Variants in TTYH3 observed in about 807,000 individuals in gnomAD.
The protein encoded by TTYH3 is protein tweety homolog 3.
TTYH3 carries 23 observed loss-of-function variants against 68.2 expected under a neutral mutation model. The observed-to-expected ratio is 0.34, with a 90% CI of 0.24 to 0.48. TTYH3 has a LOEUF of 0.48. Ranked by LOEUF, TTYH3 falls within the 20% of genes least tolerant of loss-of-function variation. The pLI is 0.99. For synonymous variants in TTYH3, 360 were observed against 332.8 expected (o/e 1.08, Z -0.89); for missense variants, 768 against 727.7 (o/e 1.06, Z -0.64).
At chr7:2,649,027 CGTG>C (rs1278892252) in intron 5 of TTYH3, among the ~76,000 whole-genome samples, 1 of 136,200 alleles carries the variant, frequency 7.3e-6, no homozygotes, top group African/African-American at 2.8e-5. Context: ...ATGGGGGACT[CGTG>C]GTGGGGGCAC....
intron 3 of TTYH3, 71 bp downstream of exon 3, chr7:2,647,324 G>A: frequency 6.6e-7 from 1 of 1,519,628 alleles, no homozygotes; most frequent in Non-Finnish European, 8.8e-7. Flanking sequence ...GCGAGGACGG[G>A]CGGGGCAGCC....
intron 1 of TTYH3, among the ~76,000 whole-genome samples, chr7:2,632,765 T>A (rs1785555630): frequency 6.6e-6 from 1 of 152,222 alleles, no homozygotes; most frequent in African/African-American, 2.4e-5. Context: ...CAGAGACTCC[T>A]CGCCCACTCA....
At chr7:2,647,053 GGGCCAGAGGGGGC>G (rs1337970256) in intron 2 of TTYH3, 31 bp downstream of exon 2, 33 of 1,532,744 alleles carry the variant, frequency 2.2e-5, no homozygotes, top group Non-Finnish European at 2.7e-5. Context: ...ACGGAGGGCG[GGGCCAGAGGGGGC>G]GGCCCGAGGG....
chr7:2,640,785 A>ATT (rs1785819632), intron 1 of TTYH3, among the ~76,000 whole-genome samples: 1 of 85,824 alleles, frequency 1.2e-5, no homozygotes, highest in Non-Finnish European at 2.1e-5. Flanking sequence ...CGTCTGCTCA[A>ATT]GTGCCCCGTG....
rs1031858106 is a variant in TTYH3, at chr7:2,664,019, G to C, written c.*2280G>C. The C allele has an allele frequency of 6.6e-6, 1 of 152,472 alleles. No individual in the cohort carries two copies. Among genetic ancestry groups the C allele is most frequent in the African/African-American group, 2.4e-5 (1 of 41,458 alleles). 9.4% of individuals were successfully genotyped at this position (152,472 alleles called of 1,614,324 possible). A position where few individuals can be genotyped will look rare whatever the true frequency, so the allele number is the denominator to read the frequency against. Reference sequence around the variant, plus strand: ...ACACCTACTGGGGCATCTGGCTGGTGCCTGCTGCCATGGCCAGCCCCCACT... The same window carrying C: ...ACACCTACTGGGGCATCTGGCTGGTCCCTGCTGCCATGGCCAGCCCCCACT... On this transcript the variant is annotated 3_prime_UTR_variant, in exon 14 of 14. Transcript: ENST00000258796.
chr7:2,641,337 G>A (rs867887156), intron 1 of TTYH3, among the ~76,000 whole-genome samples: 2 of 152,102 alleles, frequency 1.3e-5, no homozygotes, highest in East Asian at 1.9e-4. Context: ...TGGGCTCACG[G>A]TGGGAGGGGG....
rs114231264 is a variant in TTYH3, at chr7:2,662,435, C to T, written c.*696C>T. ...TGGACAGCAGGGGCCACGTGGAGCCCGGGCCGCTCACCCGCCACCCAGTGC... is the reference window on the plus strand; with the variant it reads ...TGGACAGCAGGGGCCACGTGGAGCCTGGGCCGCTCACCCGCCACCCAGTGC... On this transcript the variant is annotated 3_prime_UTR_variant, in exon 14 of 14. Transcript: ENST00000258796. The T allele has an allele frequency of 0.015, 2,254 of 154,326 alleles. 55 individuals are homozygous for T. The highest frequency in any genetic ancestry group is 0.052 in the African/African-American group (2,178 of 41,546). 9.6% of individuals were successfully genotyped at this position (154,326 alleles called of 1,614,324 possible). A position where few individuals can be genotyped will look rare whatever the true frequency, so the allele number is the denominator to read the frequency against.
intron 11 of TTYH3, 81 bp from the exon 12 acceptor site, chr7:2,658,205 C>T: frequency 7.3e-7 from 1 of 1,365,570 alleles, no homozygotes; most frequent in Non-Finnish European, 9.8e-7. Context: ...TGTCTGTCTG[C>T]ACCAGAACTG....
intron 1 of TTYH3, among the ~76,000 whole-genome samples, chr7:2,634,994 G>C (rs1317015620): frequency 6.6e-6 from 1 of 152,174 alleles, no homozygotes; most frequent in Non-Finnish European, 1.5e-5. Context: ...TGAGAGGGCA[G>C]GGGGTGGAGG....
At chr7:2,660,525 G>A (rs1199181815) in intron 13 of TTYH3, 2 of 985,220 alleles carry the variant, frequency 2.0e-6, no homozygotes, top group Non-Finnish European at 2.4e-6. Flanking sequence ...GGCTCCTTCA[G>A]GGGTCTGCGC....
Position 2,652,259 on chromosome 7 carries a change from C to G in TTYH3, c.927+17C>G. The G allele has an allele frequency of 6.2e-7, 1 of 1,609,368 alleles. No homozygotes were observed. The highest frequency in any genetic ancestry group is 8.5e-7 in the Non-Finnish European group (1 of 1,179,138). ...TTCCAGCAGGTGAGAGCCTGGGAGG[C>G]CGGGACTGGGCTTCAGGAGAGTCTG... On this transcript the variant is annotated intron_variant, in intron 8 of 13. Coordinates refer to ENST00000258796, the MANE Select transcript of TTYH3 (RefSeq NM_025250.3).
chr7:2,646,481 C>CAGACG (rs937390736), intron 1 of TTYH3, among the ~76,000 whole-genome samples: 1 of 152,202 alleles, frequency 6.6e-6, no homozygotes, highest in Non-Finnish European at 1.5e-5. Flanking sequence ...CCTGGTGGGG[C>CAGACG]AGACGTCCTG....
chr7:2,639,475 G>C (rs568809744), intron 1 of TTYH3, among the ~76,000 whole-genome samples: 1 of 152,190 alleles, frequency 6.6e-6, no homozygotes, highest in African/African-American at 2.4e-5. Context: ...CCGAGCTCAC[G>C]GGGCCAGCAC....
chr7:2,650,259 G>C (rs1353444398), intron 7 of TTYH3, among the ~76,000 whole-genome samples: 1 of 152,212 alleles, frequency 6.6e-6, no homozygotes, highest in Non-Finnish European at 1.5e-5. Context: ...AGATGCCCAG[G>C]GGAGGCCAAA....
chr7:2,663,403 C>A lies in TTYH3; in HGVS notation c.*1664C>A. On this transcript the variant is annotated 3_prime_UTR_variant, in exon 14 of 14. Transcript: ENST00000258796. ...ACCCCTCCTTTCTTTGTGCTGGTGTCTGGGACCAAAAAGGGGGAATATGGG... is the reference window on the plus strand; with the variant it reads ...ACCCCTCCTTTCTTTGTGCTGGTGTATGGGACCAAAAAGGGGGAATATGGG... The A allele has an allele frequency of 6.5e-6, 1 of 152,936 alleles. No individual in the cohort carries two copies. The highest frequency in any genetic ancestry group is 1.5e-5 in the Non-Finnish European group (1 of 68,152). The allele number at this position is 152,936 out of a possible 1,614,324, so 9.5% of individuals were successfully genotyped here.
chr7:2,646,875 C>A lies in TTYH3; in HGVS notation c.146C>A (p.Ala49Asp), dbSNP rs1453210818. Residue 49 changes from alanine (A) to aspartate (D), a missense_variant, in exon 2 of 14, where the codon GCC becomes GAC. Physicochemically the swap from Ala to Asp is moderately radical, Grantham distance 126. Transcript: ENST00000258796. The part of the protein sequence containing the change: ...YQQALLLLGA[A>D]ALACLALDLL... The stretch of plus-strand genomic sequence containing the variant: ...CAGGCCCTGCTGCTCCTGGGGGCCG[C>A]CGCCCTGGCCTGCCTCGCCCTGGAC... The A allele has an allele frequency of 5.0e-6, 8 of 1,596,924 alleles. No homozygotes were observed. Among genetic ancestry groups the A allele is most frequent in the Non-Finnish European group, 6.8e-6 (8 of 1,178,840 alleles).
chr7:2,659,167 C>T, intron 13 of TTYH3, 152 bp downstream of exon 13: 1 of 766,180 alleles, frequency 1.3e-6, no homozygotes. Flanking sequence ...GGTGACCCTT[C>T]CCAGCTGGGA....
intron 1 of TTYH3, among the ~76,000 whole-genome samples, chr7:2,633,479 A>G (rs868436353): frequency 6.6e-6 from 1 of 151,996 alleles, no homozygotes; most frequent in South Asian, 2.1e-4. Flanking sequence ...ACAGATGAGG[A>G]AGGGGGCGAG....
At chr7:2,651,455 C>T (rs547817882) in intron 7 of TTYH3, among the ~76,000 whole-genome samples, 40 of 152,320 alleles carry the variant, frequency 2.6e-4, no homozygotes, top group Non-Finnish European at 5.4e-4. Context: ...GGCTGGTGAC[C>T]GCTCAGTGCT....
Sources: allele counts gnomAD v4.1 joint callset (sites outside exome capture counted in the v4.1 genomes callset), GRCh38; gene constraint gnomAD v4.1.1; transcripts MANE v1.5; gene names NCBI Gene and HGNC (gene_info 2026-07-23, HGNC 2026-07-21).